Variants in DPYD observed in about 807,000 individuals in gnomAD.
DPYD encodes dihydropyrimidine dehydrogenase, also known as dihydropyrimidine dehydrogenase [NADP(+)].
A neutral mutation model predicts 116.2 loss-of-function variants in DPYD; 109 were observed. The ratio of observed to expected loss-of-function variants is 0.94; its 90% CI spans 0.80 to 1.10. The LOEUF (loss-of-function observed/expected upper bound fraction) is 1.10, where lower values mean the gene tolerates loss of function less well. DPYD is among the 50% of genes least tolerant of loss of function. The probability of loss-of-function intolerance (pLI) is 0.00; values close to 1 mark genes in which losing one functional copy is unlikely to be tolerated. For synonymous variants in DPYD, 440 were observed against 432.0 expected (o/e 1.02, Z -0.23); for missense variants, 1,302 against 1,254.5 (o/e 1.04, Z -0.57).
intron 19 of DPYD, among the ~76,000 whole-genome samples, chr1:97,206,674 ATATATATATATAT>A (rs1557938238): frequency 0.012 from 1,239 of 101,312 alleles, 87 homozygotes; most frequent in South Asian, 0.02. Flanking sequence ...ATATATATAT[ATATATATATATAT>A]AATCTATATG....
intron 8 of DPYD, among the ~76,000 whole-genome samples, chr1:97,604,956 C>A (rs1369195140): frequency 6.6e-6 from 1 of 152,054 alleles, no homozygotes. Context: ...TCACACTTTT[C>A]ATGACATTCT....
intron 19 of DPYD, among the ~76,000 whole-genome samples, chr1:97,198,297 T>C (rs1658955954): frequency 6.6e-6 from 1 of 152,176 alleles, no homozygotes; most frequent in Admixed American, 6.6e-5. Context: ...AAAAATTTCT[T>C]CTAAACAAAT....
chr1:97,525,978 A>T (rs28590328), intron 12 of DPYD, among the ~76,000 whole-genome samples: 10,279 of 138,188 alleles, frequency 0.074, 480 homozygotes, highest in South Asian at 0.1. Flanking sequence ...GGTAATTAAG[A>T]GTGTGTGTGT....
intron 8 of DPYD, among the ~76,000 whole-genome samples, chr1:97,608,007 T>G (rs1458872060): frequency 1.3e-5 from 2 of 151,866 alleles, no homozygotes; most frequent in Non-Finnish European, 2.9e-5. Flanking sequence ...ATTGTAACTA[T>G]TAGAATCTAT....
chr1:97,726,500 AG>A (rs1663270390), intron 4 of DPYD, among the ~76,000 whole-genome samples: 1 of 151,616 alleles, frequency 6.6e-6, no homozygotes, highest in South Asian at 2.1e-4. Flanking sequence ...CATCATTGTT[AG>A]AAATAATCTC....
chr1:97,244,505 C>T (rs546493250), intron 18 of DPYD, among the ~76,000 whole-genome samples: 67 of 152,022 alleles, frequency 4.4e-4, no homozygotes, highest in African/African-American at 1.5e-3. Context: ...AGGAAAAACA[C>T]AGCTAAAAGA....
At chr1:97,432,325 C>T (rs1478525659) in intron 14 of DPYD, among the ~76,000 whole-genome samples, 1 of 152,106 alleles carries the variant, frequency 6.6e-6, no homozygotes, top group East Asian at 1.9e-4. Context: ...TTTACTATGT[C>T]TTCAACTTCA....
chr1:97,542,387 C>T lies in DPYD; in HGVS notation c.1524+7173G>A, dbSNP rs531430248. 9.3e-4 allele frequency among the ~76,000 whole-genome samples: 141 copies of T among 152,264 alleles called. 1 individual carries two copies. In the South Asian group the frequency reaches 9.5e-3, roughly 10 times the overall value. ...AGGTTTTATTGTTTGATTAGTGGAG[C>T]TTGGTCTGGATTTCAGCCAGCTTGT... On this transcript the variant is annotated intron_variant, in intron 12 of 22. Coordinates refer to ENST00000370192, the MANE Select transcript of DPYD (RefSeq NM_000110.4).
intron 20 of DPYD, among the ~76,000 whole-genome samples, chr1:97,146,879 C>A: frequency 6.6e-6 from 1 of 152,046 alleles, no homozygotes; most frequent in East Asian, 1.9e-4. Context: ...GAAAAATAAA[C>A]AAAGCTTCCT....
chr1:97,681,121 T>G (rs1660406953), intron 7 of DPYD, among the ~76,000 whole-genome samples: 1 of 152,076 alleles, frequency 6.6e-6, no homozygotes, highest in Non-Finnish European at 1.5e-5. Context: ...AGCAGCCCCA[T>G]GAAGTGTTAT....
intron 20 of DPYD, among the ~76,000 whole-genome samples, chr1:97,126,804 T>C (rs1652879291): frequency 6.6e-6 from 1 of 152,172 alleles, no homozygotes; most frequent in African/African-American, 2.4e-5. Context: ...AGCGTGTCTT[T>C]TGCACATGAT....
chr1:97,649,261 T>C (rs1415542843), intron 8 of DPYD, among the ~76,000 whole-genome samples: 1 of 152,098 alleles, frequency 6.6e-6, no homozygotes, highest in African/African-American at 2.4e-5. Flanking sequence ...ATAAAGATTT[T>C]CAGCTACATA....
intron 8 of DPYD, among the ~76,000 whole-genome samples, chr1:97,615,121 G>A (rs1416467851): frequency 6.6e-6 from 1 of 152,092 alleles, no homozygotes; most frequent in Non-Finnish European, 1.5e-5. Flanking sequence ...CTAACCATGA[G>A]TAAGACACAA....
intron 18 of DPYD, among the ~76,000 whole-genome samples, chr1:97,268,172 C>T (rs1471414030): frequency 3.3e-5 from 5 of 152,200 alleles, no homozygotes; most frequent in African/African-American, 1.2e-4. Context: ...CCTGGACACA[C>T]TGGGGCAGGG....
intron 13 of DPYD, among the ~76,000 whole-genome samples, chr1:97,499,212 T>C (rs1423760624): frequency 6.6e-6 from 1 of 151,756 alleles, no homozygotes; most frequent in Non-Finnish European, 1.5e-5. Context: ...TCTGTTTGTT[T>C]AGCCTTGTAT....
At chr1:97,693,438 T>TA (rs1488459935) in intron 6 of DPYD, among the ~76,000 whole-genome samples, 2 of 151,382 alleles carry the variant, frequency 1.3e-5, no homozygotes, top group African/African-American at 4.9e-5. Context: ...AGGGCAGGGA[T>TA]AAAAATCTCT....
chr1:97,789,150 A>C lies in DPYD; in HGVS notation c.233+38964T>G, dbSNP rs146357764. ...CAAGAAATAACCTGCACTGGGGTAC[A>C]CATTAGTACCTTCATTCAATAATAA... On this transcript the variant is annotated intron_variant, in intron 3 of 22. Transcript: ENST00000370192. 5.6e-3 allele frequency among the ~76,000 whole-genome samples: 860 copies of C among 152,296 alleles called. 10 individuals carry two copies. The highest frequency in any genetic ancestry group is 0.019 in the African/African-American group (808 of 41,556).
intron 4 of DPYD, among the ~76,000 whole-genome samples, chr1:97,724,342 GTGTGTGTGTGTGTGTGTGTGTGTA>G (rs1663110799): frequency 6.8e-6 from 1 of 147,428 alleles, no homozygotes; most frequent in African/African-American, 2.5e-5. Flanking sequence ...GTGTGTGTGT[GTGTGTGTGTGTGTGTGTGTGTGTA>G]TGAGATTTAT....
At chr1:97,865,462 T>C (rs1216208391) in intron 2 of DPYD, among the ~76,000 whole-genome samples, 2 of 151,992 alleles carry the variant, frequency 1.3e-5, no homozygotes, top group Non-Finnish European at 2.9e-5. Flanking sequence ...CATTCATTTA[T>C]GTGATGGAAA....
Sources: allele counts gnomAD v4.1 joint callset (sites outside exome capture counted in the v4.1 genomes callset), GRCh38; gene constraint gnomAD v4.1.1; transcripts MANE v1.5; gene names NCBI Gene and HGNC (gene_info 2026-07-23, HGNC 2026-07-21).